Variants in PIP5K1A observed in about 807,000 individuals in gnomAD.
PIP5K1A encodes the protein phosphatidylinositol-4-phosphate 5-kinase type 1 alpha, also known as phosphatidylinositol 4-phosphate 5-kinase type-1 alpha.
In PIP5K1A, 46 loss-of-function variants were observed where a neutral mutation model predicts 72.9. The ratio of observed to expected loss-of-function variants is 0.63; its 90% CI spans 0.50 to 0.81. PIP5K1A has a LOEUF of 0.81. PIP5K1A is among the 30% of genes least tolerant of loss of function. The pLI, the probability that PIP5K1A is intolerant of heterozygous loss-of-function variation, is 0.00. For missense variants in PIP5K1A, 458 were observed against 706.1 expected (o/e 0.65, Z 3.98); for synonymous variants, 228 against 255.1 (o/e 0.89, Z 1.01).
chr1:151,210,491 G>A (rs149245310), intron 1 of PIP5K1A, among the ~76,000 whole-genome samples: 8 of 151,732 alleles, frequency 5.3e-5, no homozygotes, highest in Non-Finnish European at 1.2e-4. Context: ...TTGGTGTGGC[G>A]CTCCATCTTT....
At chr1:151,214,125 G>A (rs1687243418) in intron 1 of PIP5K1A, among the ~76,000 whole-genome samples, 1 of 152,048 alleles carries the variant, frequency 6.6e-6, no homozygotes, top group South Asian at 2.1e-4. Context: ...GTTATATAGT[G>A]TTTGATTTTA....
intron 1 of PIP5K1A, among the ~76,000 whole-genome samples, chr1:151,209,532 C>G (rs1558241898): frequency 6.6e-6 from 1 of 151,768 alleles, no homozygotes; most frequent in Admixed American, 6.6e-5. Context: ...CTCTGCCTCC[C>G]AGGTTCAAGC....
rs1684855875 is a variant in PIP5K1A, at chr1:151,199,256, G to A, written c.85+175G>A. 9 of 1,286,386 alleles carry A rather than the reference G, an allele frequency of 7.0e-6. No individual in the cohort carries two copies. In the South Asian group the frequency reaches 1.0e-4, roughly 15 times the overall value. The allele number at this position is 1,286,386 out of a possible 1,614,324, so 79.7% of individuals were successfully genotyped here. On this transcript the variant is annotated intron_variant, in intron 1 of 15. Transcript: ENST00000368888. ...GGGCAGGAGTTTGAGGAAAGGATAA[G>A]TTTGATTAAGAAGTTGTCGAAAACT...
At chr1:151,220,913 CAG>C (rs1209042317) in intron 1 of PIP5K1A, among the ~76,000 whole-genome samples, 1 of 152,216 alleles carries the variant, frequency 6.6e-6, no homozygotes, top group African/African-American at 2.4e-5. Flanking sequence ...TTAATACACT[CAG>C]GGAATCTTTT....
chr1:151,200,196 G>T (rs1685024575), intron 1 of PIP5K1A, among the ~76,000 whole-genome samples: 1 of 150,290 alleles, frequency 6.7e-6, no homozygotes, highest in Non-Finnish European at 1.5e-5. Flanking sequence ...GGGTGGGGGG[G>T]TGACTGTAAG....
intron 4 of PIP5K1A, among the ~76,000 whole-genome samples, chr1:151,229,947 G>A (rs942414174): frequency 1.3e-5 from 2 of 152,078 alleles, no homozygotes; most frequent in African/African-American, 2.4e-5. Context: ...AATTAGTCGG[G>A]TGTGGTGGCT....
Position 151,224,361 on chromosome 1 carries a change from C to T in PIP5K1A, c.121-10C>T. 2 of 1,609,478 alleles carry T rather than the reference C, an allele frequency of 1.2e-6. No homozygotes were observed. On this transcript the variant is annotated splice_polypyrimidine_tract_variant and intron_variant, in intron 2 of 15. Coordinates refer to ENST00000368888, the MANE Select transcript of PIP5K1A (RefSeq NM_001135638.2). ...CCTGTTTATGACATTTTTATTTTTT[C>T]TCTACTTAGGTCTTGGAAGCTAGAC...
At chr1:151,222,835 G>A (rs1460389760) in intron 1 of PIP5K1A, among the ~76,000 whole-genome samples, 1 of 152,182 alleles carries the variant, frequency 6.6e-6, no homozygotes, top group Non-Finnish European at 1.5e-5. Context: ...GACAGGAACC[G>A]TGTTCTTTGA....
chr1:151,230,564 G>A (rs1421085467), intron 4 of PIP5K1A, among the ~76,000 whole-genome samples: 1 of 151,710 alleles, frequency 6.6e-6, no homozygotes, highest in Non-Finnish European at 1.5e-5. Context: ...TTTTTTTTGA[G>A]ACAGTCTGGC....
At chr1:151,215,487 C>T (rs1003669103) in intron 1 of PIP5K1A, among the ~76,000 whole-genome samples, 21 of 152,040 alleles carry the variant, frequency 1.4e-4, no homozygotes, top group African/African-American at 2.9e-4. Flanking sequence ...CCTGCCACTG[C>T]GCCGGCTAAT....
upstream of PIP5K1A, among the ~76,000 whole-genome samples, chr1:151,196,861 T>TGCATGGGGATATTCTATGGATGTTCGGG (rs34415860): frequency 6.2e-5 from 1 of 16,014 alleles, no homozygotes. Flanking sequence ...GCGCCCGGCC[T>TGCATGGGGATATTCTATGGATGTTCGGG]TTTTTTTTTT....
chr1:151,241,446 G>A (rs984163371), intron 12 of PIP5K1A, among the ~76,000 whole-genome samples: 5 of 152,064 alleles, frequency 3.3e-5, no homozygotes, highest in Non-Finnish European at 7.4e-5. Context: ...GGAGCTTGCA[G>A]TGAGCCAAGA....
At chr1:151,219,413 C>T (rs912615344) in intron 1 of PIP5K1A, among the ~76,000 whole-genome samples, 3 of 147,114 alleles carry the variant, frequency 2.0e-5, no homozygotes, top group Admixed American at 6.8e-5. Flanking sequence ...GAGGGCTGGC[C>T]CGGTGGCTCA....
intron 5 of PIP5K1A, 44 bp from the exon 6 acceptor site, chr1:151,232,204 G>A (rs760509924): frequency 1.2e-5 from 15 of 1,279,654 alleles, no homozygotes; most frequent in Non-Finnish European, 1.6e-5. Context: ...TTCTCTGGAT[G>A]ATAGGGACTG....
At chr1:151,236,931 G>A (rs1241656947) in intron 9 of PIP5K1A, among the ~76,000 whole-genome samples, 168 bp downstream of exon 9, 3 of 150,328 alleles carry the variant, frequency 2.0e-5, no homozygotes, top group Non-Finnish European at 4.4e-5. Flanking sequence ...GGGTTCAAGC[G>A]ATTCTCCTGC....
rs1689283210 is a variant in PIP5K1A at position 151,227,222 on chromosome 1, AAT to A, written c.157-95_157-94del. ...TGTAAAATGTTTTTAATCTAGAAAGAATATGTTGTTTCAGTTTATTTTGTTTT... is the reference window on the plus strand; with the variant it reads ...TGTAAAATGTTTTTAATCTAGAAAGAATGTTGTTTCAGTTTATTTTGTTTT... On this transcript the variant is annotated intron_variant, in intron 3 of 15. Transcript: ENST00000368888. 4.2e-6 allele frequency: 3 copies of A among 720,636 alleles called. No individual in the cohort carries two copies. The East Asian group carries it at 7.8e-5, about 19-fold the overall frequency. The allele number at this position is 720,636 out of a possible 1,614,324, so 44.6% of individuals were successfully genotyped here.
At chr1:151,202,884 T>G (rs1459801287) in intron 1 of PIP5K1A, among the ~76,000 whole-genome samples, 4 of 151,924 alleles carry the variant, frequency 2.6e-5, no homozygotes, top group Non-Finnish European at 4.4e-5. Flanking sequence ...GCGATTCTCC[T>G]GCTTCAGCTT....
intron 1 of PIP5K1A, among the ~76,000 whole-genome samples, chr1:151,208,997 G>T (rs1229026533): frequency 6.6e-6 from 1 of 150,940 alleles, no homozygotes; most frequent in Non-Finnish European, 1.5e-5. Context: ...CTCCCAAGGT[G>T]CTGGGATTAC....
chr1:151,217,351 C>T (rs2102280559), intron 1 of PIP5K1A, among the ~76,000 whole-genome samples: 1 of 152,300 alleles, frequency 6.6e-6, no homozygotes, highest in Middle Eastern at 3.4e-3. Flanking sequence ...ACTGCTGCTG[C>T]TCCCCTCACT....
Sources: gnomAD v4.1 joint callset for allele counts (sites outside exome capture counted in the v4.1 genomes callset) on GRCh38, gnomAD v4.1.1 for gene constraint, MANE v1.5 for transcripts, NCBI Gene and HGNC (gene_info 2026-07-23, HGNC 2026-07-21) for gene names.